DAB1: variants seen among roughly 807,000 people sequenced by gnomAD.
DAB1 encodes disabled homolog 1.
DAB1 carries 15 observed loss-of-function variants against 64.6 expected under a neutral mutation model. The ratio of observed to expected loss-of-function variants is 0.23; its 90% CI spans 0.16 to 0.36. The LOEUF is 0.36. Ranked by LOEUF, DAB1 falls within the 10% of genes least tolerant of loss-of-function variation. DAB1 has a pLI of 1.00. For synonymous variants in DAB1, 235 were observed against 251.9 expected, an observed-to-expected ratio of 0.93 and a Z score of 0.64; for missense variants, 596 against 706.7, an observed-to-expected ratio of 0.84 and a Z score of 1.78.
At chr1:58,510,424 T>C (rs1184306934) in intron 2 of DAB1, among the ~76,000 whole-genome samples, 1 of 151,916 alleles carries the variant, frequency 6.6e-6, no homozygotes, top group Non-Finnish European at 1.5e-5. Context: ...AAATTAAACA[T>C]CCTTTCATAA....
intron 7 of DAB1, among the ~76,000 whole-genome samples, chr1:57,624,651 C>G (rs945809727): frequency 1.3e-5 from 2 of 152,186 alleles, no homozygotes; most frequent in South Asian, 4.1e-4. Flanking sequence ...TATGCACTTA[C>G]AAACGGTAAG....
chr1:57,057,632 G>C (rs1291457255), intron 9 of DAB1, among the ~76,000 whole-genome samples: 1 of 143,148 alleles, frequency 7.0e-6, no homozygotes, highest in African/African-American at 2.7e-5. Context: ...TTTGGAGACA[G>C]AGTCTCGTTC....
In DAB1 at chr1:58,120,293, C is replaced by A. The variant is rs185805632; in HGVS notation, n.387+30218G>T. On this transcript the variant is annotated intron_variant and non_coding_transcript_variant, in intron 5 of 20. Coordinates refer to the DAB1 transcript ENST00000485760. ...CTAGAAAAGCATGGGACACTGGAAG[C>A]ACCCATTGAGGAGTAGTTGACAGAT... Among the ~76,000 whole-genome samples the A allele has an allele frequency of 4.0e-4, 61 of 152,276 alleles. No homozygotes were observed. The East Asian group carries it at 6.4e-3, about 16-fold the overall frequency.
chr1:57,596,370 A>G (rs1645509701), intron 7 of DAB1, among the ~76,000 whole-genome samples: 1 of 152,184 alleles, frequency 6.6e-6, no homozygotes, highest in Admixed American at 6.5e-5. Context: ...TTAAGTCACC[A>G]TTTTGTTTAC....
chr1:58,526,504 A>T (rs1646351516), intron 2 of DAB1, among the ~76,000 whole-genome samples: 1 of 151,718 alleles, frequency 6.6e-6, no homozygotes. Context: ...CAGTTATCAC[A>T]GGTGATTAAA....
Position 58,499,675 on chromosome 1 carries a change from T to G in DAB1, n.257+6385A>C, listed in dbSNP as rs374343000. ...ACATTCTTGCCACAAAAAGTAAGTA[T>G]GTGAGGTGATTAATATCTTAGTTGG... On this transcript the variant is annotated intron_variant and non_coding_transcript_variant, in intron 3 of 20. Transcript: ENST00000485760. Among the ~76,000 whole-genome samples, 4 of 152,324 alleles carry G rather than the reference T, an allele frequency of 2.6e-5. No homozygotes were observed. The South Asian group carries it at 6.2e-4, about 24-fold the overall frequency.
chr1:58,289,531 A>G (rs1043564683), intron 4 of DAB1, among the ~76,000 whole-genome samples: 2 of 152,200 alleles, frequency 1.3e-5, no homozygotes, highest in Admixed American at 1.3e-4. Context: ...TTAGACTTTC[A>G]TGGACTTGAT....
chr1:58,212,845 T>C (rs549073677), intron 4 of DAB1, among the ~76,000 whole-genome samples: 1 of 152,300 alleles, frequency 6.6e-6, no homozygotes, highest in Non-Finnish European at 1.5e-5. Context: ...ACACATCAGC[T>C]GGTTGTTAAA....
intron 7 of DAB1, among the ~76,000 whole-genome samples, chr1:57,615,700 G>GAA (rs5774363): frequency 2.0e-5 from 3 of 151,332 alleles, no homozygotes; most frequent in East Asian, 1.9e-4. Context: ...TTGAGTCAAA[G>GAA]AAAAAAAAGT....
chr1:57,693,876 C>T (rs376537278), intron 6 of DAB1, among the ~76,000 whole-genome samples: 17 of 152,314 alleles, frequency 1.1e-4, no homozygotes, highest in African/African-American at 4.1e-4. Flanking sequence ...CAAGAACCCA[C>T]CAGAAGGAAT....
intron 7 of DAB1, among the ~76,000 whole-genome samples, chr1:57,461,371 A>G (rs971110024): frequency 6.6e-6 from 1 of 152,124 alleles, no homozygotes; most frequent in African/African-American, 2.4e-5. Context: ...ATTTTCCCTC[A>G]AACATAAACC....
intron 1 of DAB1, among the ~76,000 whole-genome samples, chr1:57,312,122 C>A (rs1159662997): frequency 1.3e-5 from 2 of 152,166 alleles, no homozygotes; most frequent in East Asian, 3.9e-4. Context: ...CATTTTTATG[C>A]CATCCATAAT....
intron 6 of DAB1, among the ~76,000 whole-genome samples, chr1:57,673,311 T>C (rs1646529253): frequency 1.3e-5 from 2 of 152,100 alleles, no homozygotes; most frequent in Non-Finnish European, 1.5e-5. Flanking sequence ...AGGTTTCAAA[T>C]AGGAACAGGA....
chr1:57,776,079 C>T (rs944362357), intron 6 of DAB1, among the ~76,000 whole-genome samples: 1 of 151,564 alleles, frequency 6.6e-6, no homozygotes, highest in African/African-American at 2.4e-5. Flanking sequence ...CTATCTGTGT[C>T]TTTATGTTGT....
At chr1:58,324,204 C>T (rs747480752) in intron 4 of DAB1, among the ~76,000 whole-genome samples, 2 of 152,094 alleles carry the variant, frequency 1.3e-5, no homozygotes, top group Non-Finnish European at 2.9e-5. Flanking sequence ...ATAATAGCCT[C>T]GCTGCATATG....
intron 4 of DAB1, among the ~76,000 whole-genome samples, chr1:58,241,128 T>C (rs1370145728): frequency 6.6e-6 from 1 of 152,178 alleles, no homozygotes; most frequent in Non-Finnish European, 1.5e-5. Flanking sequence ...ATATTCTTGA[T>C]ATAGCTCAGC....
intron 5 of DAB1, among the ~76,000 whole-genome samples, chr1:57,976,716 T>G (rs1022928384): frequency 6.8e-4 from 103 of 152,294 alleles, no homozygotes; most frequent in African/African-American, 2.3e-3. Flanking sequence ...GCCCCAACAT[T>G]AGATATACTT....
chr1:58,012,226 T>C (rs1646678356), intron 5 of DAB1, among the ~76,000 whole-genome samples: 1 of 152,150 alleles, frequency 6.6e-6, no homozygotes, highest in Admixed American at 6.5e-5. Flanking sequence ...GCAGAACATC[T>C]GAGTTCTGGG....
intron 4 of DAB1, among the ~76,000 whole-genome samples, chr1:57,115,419 C>G (rs1656023705): frequency 6.6e-6 from 1 of 152,170 alleles, no homozygotes; most frequent in South Asian, 2.1e-4. Flanking sequence ...CAGAGTGAGA[C>G]ATACTCTAGA....
Sources: allele counts gnomAD v4.1 joint callset (sites outside exome capture counted in the v4.1 genomes callset), GRCh38; gene constraint gnomAD v4.1.1; transcripts MANE v1.5; gene names NCBI Gene and HGNC (gene_info 2026-07-23, HGNC 2026-07-21).